BBX: variants seen among roughly 807,000 people sequenced by gnomAD.
BBX encodes the protein HMG box transcription factor BBX.
BBX carries 30 observed loss-of-function variants against 100.2 expected under a neutral mutation model. The ratio of observed to expected loss-of-function variants is 0.30; its 90% confidence interval spans 0.22 to 0.41. BBX has a LOEUF of 0.41. BBX is among the 10% of genes least tolerant of loss of function. The probability of loss-of-function intolerance (pLI) is 1.00; values close to 1 mark genes in which losing one functional copy is unlikely to be tolerated. For synonymous variants in BBX, 376 were observed against 388.1 expected, an observed-to-expected ratio of 0.97 and a Z score of 0.37; for missense variants, 1,023 against 1,129.8, an observed-to-expected ratio of 0.91 and a Z score of 1.35.
intron 2 of BBX, among the ~76,000 whole-genome samples, chr3:107,613,110 GA>G (rs1289986751): frequency 6.6e-6 from 1 of 151,884 alleles, no homozygotes; most frequent in Non-Finnish European, 1.5e-5. Flanking sequence ...AGCTTGTGGT[GA>G]ATGTTGCCAA....
At chr3:107,739,940 G>T (rs978827456) in intron 7 of BBX, among the ~76,000 whole-genome samples, 1 of 152,100 alleles carries the variant, frequency 6.6e-6, no homozygotes. Flanking sequence ...TTTCATACTA[G>T]TGCTCAGCCA....
At chr3:107,689,447 A>C (rs1471016712) in intron 3 of BBX, among the ~76,000 whole-genome samples, 4 of 152,224 alleles carry the variant, frequency 2.6e-5, no homozygotes, top group African/African-American at 9.6e-5. Context: ...TGCCTCAGAA[A>C]AATTAGATGG....
intron 2 of BBX, among the ~76,000 whole-genome samples, chr3:107,598,647 G>C (rs1477161835): frequency 2.0e-5 from 3 of 152,162 alleles, no homozygotes; most frequent in African/African-American, 4.8e-5. Context: ...AATGAAACTA[G>C]AGAGGTTATG....
intron 2 of BBX, among the ~76,000 whole-genome samples, chr3:107,621,181 CT>C (rs2055735946): frequency 6.6e-6 from 1 of 152,130 alleles, no homozygotes; most frequent in Non-Finnish European, 1.5e-5. Context: ...TTTCCTGCTC[CT>C]TTGGCTAGAG....
Position 107,725,474 on chromosome 3 carries a change from C to T in BBX, c.406-3291C>T, listed in dbSNP as rs1282454389. 4.6e-5 allele frequency among the ~76,000 whole-genome samples: 7 copies of T among 152,178 alleles called. No homozygotes were observed. In the East Asian group the frequency reaches 1.4e-3, roughly 29 times the overall value. On this transcript the variant is annotated intron_variant, in intron 5 of 17. Coordinates refer to ENST00000325805, the MANE Select transcript of BBX (RefSeq NM_001142568.3). ...AATAGGAATGGTGAGAGAGGGCATC[C>T]CTGTCTTGTGCCAGTTTTCAAAGGG...
At chr3:107,647,875 A>G (rs2057616501) in intron 3 of BBX, among the ~76,000 whole-genome samples, 2 of 152,172 alleles carry the variant, frequency 1.3e-5, no homozygotes, top group South Asian at 4.1e-4. Context: ...TGGCATGTAC[A>G]TGTCTTGCAG....
At position 107,629,599 on chromosome 3, in the gene BBX, A is replaced by G. The variant is rs574707957; in HGVS notation, c.-83-16237A>G. Reference sequence around the variant, plus strand: ...TGGGATATGTTTTTTTTTTCCTTCTACAAACACATCATTCAGTGCCAAACG... The same window carrying G: ...TGGGATATGTTTTTTTTTTCCTTCTGCAAACACATCATTCAGTGCCAAACG... On this transcript the variant is annotated intron_variant, in intron 2 of 17. Coordinates refer to ENST00000325805, the MANE Select transcript of BBX (RefSeq NM_001142568.3). 2.0e-5 allele frequency among the ~76,000 whole-genome samples: 3 copies of G among 151,886 alleles called. No individual in the cohort carries two copies. The South Asian group carries it at 6.2e-4, about 32-fold the overall frequency.
chr3:107,649,996 C>T (rs916730950), intron 3 of BBX, among the ~76,000 whole-genome samples: 8 of 152,096 alleles, frequency 5.3e-5, no homozygotes, highest in African/African-American at 1.9e-4. Flanking sequence ...AGGCAAGGTA[C>T]AAGAACAGAA....
chr3:107,659,774 A>C lies in BBX; in HGVS notation c.-10+13865A>C, dbSNP rs889822611. On this transcript the variant is annotated intron_variant, in intron 3 of 17. Coordinates refer to ENST00000325805, the MANE Select transcript of BBX (RefSeq NM_001142568.3). ...GAATGCACTGTTTATTTTTAACGTA[A>C]GTGTGTAGATACAGAAGTGGTACCC... is the stretch of plus-strand genomic sequence containing the variant. 6 of 1,273,326 alleles carry C rather than the reference A, an allele frequency of 4.7e-6. No individual in the cohort carries two copies. The African/African-American group carries it at 9.2e-5, about 20-fold the overall frequency. 78.9% of individuals were successfully genotyped at this position (1,273,326 alleles called of 1,614,324 possible).
intron 10 of BBX, among the ~76,000 whole-genome samples, chr3:107,758,953 T>C (rs1008775751): frequency 6.6e-6 from 1 of 152,148 alleles, no homozygotes; most frequent in Non-Finnish European, 1.5e-5. Flanking sequence ...GAGGAGTGAA[T>C]GAACAGTCCT....
intron 3 of BBX, among the ~76,000 whole-genome samples, chr3:107,659,323 C>T (rs917704870): frequency 6.6e-6 from 1 of 151,800 alleles, no homozygotes; most frequent in Non-Finnish European, 1.5e-5. Flanking sequence ...TGCATCTGAA[C>T]ATATAGATAT....
At chr3:107,709,330 C>G (rs966372338) in intron 3 of BBX, among the ~76,000 whole-genome samples, 2 of 152,170 alleles carry the variant, frequency 1.3e-5, no homozygotes, top group African/African-American at 4.8e-5. Context: ...ATACCATATT[C>G]TCTGAACGGC....
intron 3 of BBX, among the ~76,000 whole-genome samples, chr3:107,691,529 G>T (rs1053428946): frequency 2.6e-5 from 4 of 152,120 alleles, no homozygotes; most frequent in Non-Finnish European, 5.9e-5. Flanking sequence ...TCAGGAAAAT[G>T]GAAAATATTT....
intron 3 of BBX, among the ~76,000 whole-genome samples, chr3:107,701,769 C>T (rs887943117): frequency 1.3e-5 from 2 of 150,834 alleles, no homozygotes; most frequent in East Asian, 3.9e-4. Flanking sequence ...AATTTATACA[C>T]TAAAGGAAGC....
intron 3 of BBX, among the ~76,000 whole-genome samples, chr3:107,656,624 CT>C (rs1271822934): frequency 6.6e-6 from 1 of 152,142 alleles, no homozygotes; most frequent in Non-Finnish European, 1.5e-5. Context: ...AATCTTTCTC[CT>C]GCTCTGTTCT....
intron 2 of BBX, among the ~76,000 whole-genome samples, chr3:107,569,859 A>G (rs2051212491): frequency 6.6e-6 from 1 of 152,178 alleles, no homozygotes; most frequent in Non-Finnish European, 1.5e-5. Context: ...AGTGTCTGTG[A>G]TGGTCCAGAA....
At chr3:107,717,350 A>G (rs1365632193) in intron 5 of BBX, among the ~76,000 whole-genome samples, 2 of 152,130 alleles carry the variant, frequency 1.3e-5, no homozygotes, top group South Asian at 2.1e-4. Flanking sequence ...CTTTGTGGCC[A>G]TATCCATAAG....
chr3:107,711,902 C>T (rs748051141), intron 4 of BBX, among the ~76,000 whole-genome samples: 1 of 151,954 alleles, frequency 6.6e-6, no homozygotes, highest in East Asian at 1.9e-4. Context: ...GAAAGGGTCT[C>T]ACTGTATTGC....
intron 13 of BBX, among the ~76,000 whole-genome samples, chr3:107,781,006 A>G (rs909460343): frequency 2.6e-5 from 4 of 151,974 alleles, no homozygotes; most frequent in African/African-American, 2.4e-5. Flanking sequence ...TTCATTTGTC[A>G]TCATTCAATA....
Sources: gnomAD v4.1 joint callset for allele counts (sites outside exome capture counted in the v4.1 genomes callset) on GRCh38, gnomAD v4.1.1 for gene constraint, MANE v1.5 for transcripts, NCBI Gene and HGNC (gene_info 2026-07-23, HGNC 2026-07-21) for gene names.